CASZ1: variants seen among roughly 807,000 people sequenced by gnomAD.
CASZ1 encodes zinc finger protein castor homolog 1.
CASZ1 carries 28 observed loss-of-function variants against 135.2 expected under a neutral mutation model. The ratio of observed to expected loss-of-function variants is 0.21; its 90% CI spans 0.15 to 0.28. The LOEUF (loss-of-function observed/expected upper bound fraction) is 0.28. CASZ1 is among the 10% of genes least tolerant of loss of function. CASZ1 has a pLI of 1.00. For synonymous variants in CASZ1, 1,068 were observed against 1,073.4 expected (o/e 0.99, Z 0.10); for missense variants, 2,161 against 2,453.3 (o/e 0.88, Z 2.52).
chr1:10,789,414 T>C (rs1640915112), intron 1 of CASZ1, among the ~76,000 whole-genome samples: 1 of 143,032 alleles, frequency 7.0e-6, no homozygotes, highest in Admixed American at 7.4e-5. Context: ...TCAAGACTCC[T>C]CTCACCTTGA....
chr1:10,758,622 G>A (rs1195485318), intron 2 of CASZ1, among the ~76,000 whole-genome samples: 2 of 152,200 alleles, frequency 1.3e-5, no homozygotes, highest in African/African-American at 2.4e-5. Context: ...TTGAGCCACC[G>A]CACCTGGCCC....
At chr1:10,661,904 C>T (rs1643044565) in intron 5 of CASZ1, among the ~76,000 whole-genome samples, 1 of 151,876 alleles carries the variant, frequency 6.6e-6, no homozygotes, top group South Asian at 2.1e-4. Context: ...CACACATATG[C>T]ATTCTCATAC....
chr1:10,718,556 C>T (rs1570520031), intron 2 of CASZ1, among the ~76,000 whole-genome samples: 1 of 152,200 alleles, frequency 6.6e-6, no homozygotes, highest in South Asian at 2.1e-4. Context: ...GCCACTAGGC[C>T]CCCACTTCTG....
chr1:10,670,416 C>G (rs1643363601), intron 4 of CASZ1, among the ~76,000 whole-genome samples: 1 of 152,254 alleles, frequency 6.6e-6, no homozygotes, highest in Admixed American at 6.5e-5. Flanking sequence ...CCCGCCTAGG[C>G]ATCCTGGAGT....
intron 4 of CASZ1, among the ~76,000 whole-genome samples, chr1:10,687,203 A>C (rs1490722923): frequency 5.3e-5 from 8 of 152,046 alleles, no homozygotes; most frequent in Non-Finnish European, 1.0e-4. Context: ...CCCTTAGATC[A>C]CTGAAAGAGC....
rs779746313 is a variant in CASZ1 at position 10,639,044 on chromosome 1, C to T, written c.5178G>A (p.Ala1726=). 6 of 1,058,680 alleles carry T rather than the reference C, an allele frequency of 5.7e-6. No homozygotes were observed. Among genetic ancestry groups the T allele is most frequent in the Middle Eastern group, 4.2e-4 (1 of 2,380 alleles). 65.6% of individuals were successfully genotyped at this position (1,058,680 alleles called of 1,614,324 possible). The part of the protein sequence containing the change: ...RTDSEESLPE[A]AAEAAGAGAR... ...CGCCCGCGCCCGCCGCCTCCGCCGC[C>T]GCCTCGGGCAGCGACTCCTCCGAGT... The change falls in exon 21 of 21, where the codon GCG becomes GCA. Residue 1726 remains alanine (A), a synonymous_variant. Coordinates refer to ENST00000377022, the MANE Select transcript of CASZ1 (RefSeq NM_001079843.3). This position sits in a 1 kb window ranked among gnomAD's most constrained non-coding sequence, Gnocchi z 4.0.
chr1:10,658,295 A>C, intron 7 of CASZ1: 9 of 540,460 alleles, frequency 1.7e-5, no homozygotes, highest in Non-Finnish European at 2.3e-5. Context: ...TGCTGAGGGA[A>C]TGTGTGGCCT....
At chr1:10,653,010 C>T (rs924959676) in intron 11 of CASZ1, 19 of 299,418 alleles carry the variant, frequency 6.3e-5, no homozygotes, top group Middle Eastern at 7.1e-4. Context: ...ACGCTCGGCA[C>T]GCCAGGGGCC....
At position 10,647,357 on chromosome 1, in the gene CASZ1, G is replaced by C. The variant is rs2124673178; in HGVS notation, c.3497+444C>G. 1 of 1,051,032 alleles carries C rather than the reference G, an allele frequency of 9.5e-7. No homozygotes were observed. The highest frequency in any genetic ancestry group is 3.3e-5 in the South Asian group (1 of 30,740). The allele number at this position is 1,051,032 out of a possible 1,614,324, so 65.1% of individuals were successfully genotyped here. On this transcript the variant is annotated intron_variant, in intron 16 of 20. Coordinates refer to ENST00000377022, the MANE Select transcript of CASZ1 (RefSeq NM_001079843.3). This position sits in a 1 kb window ranked among gnomAD's most constrained non-coding sequence, Gnocchi z 4.9. ...AGAGCTCAGACCACTGTGCAGGCCA[G>C]TGACGGCCTGGAGGGGCCTGGCCCC...
Position 10,657,358 on chromosome 1 carries a change from C to A in CASZ1, c.1410-622G>T, listed in dbSNP as rs1570425787. Among the ~76,000 whole-genome samples, 1 of 152,282 alleles carries A rather than the reference C, an allele frequency of 6.6e-6. No homozygotes were observed. Among genetic ancestry groups the A allele is most frequent in the East Asian group, 1.9e-4 (1 of 5,168 alleles). ...GTGGCTCCCACAGCCTCGGTGACGGCCGGCCGTGGGGAGGCCACTCTGGAG... is the reference window on the plus strand; with the variant it reads ...GTGGCTCCCACAGCCTCGGTGACGGACGGCCGTGGGGAGGCCACTCTGGAG... On this transcript the variant is annotated intron_variant, in intron 7 of 20. Transcript: ENST00000377022. The surrounding 1 kb of genome is among the most constrained non-coding windows in gnomAD (Gnocchi z 5.7).
intron 2 of CASZ1, among the ~76,000 whole-genome samples, chr1:10,758,419 C>G (rs1640301206): frequency 6.6e-6 from 1 of 151,726 alleles, no homozygotes; most frequent in Non-Finnish European, 1.5e-5. Flanking sequence ...GCAACCTCCG[C>G]CTCCCGGGTT....
At position 10,660,368 on chromosome 1, in the gene CASZ1, G is replaced by A; in HGVS notation, c.674C>T (p.Thr225Ile). The stretch of plus-strand genomic sequence containing the variant: ...CCGCTTGCTGAGGGTATCCTCGGAG[G>A]TGGGCAGCATGGAGGAGGTGGCTGC... Reference protein sequence around the residue: ...PEAATSSMLPTSEDTLSKRAR... With the variant: ...PEAATSSMLPISEDTLSKRAR... Residue 225 changes from threonine to isoleucine, a missense_variant, in exon 6 of 21, where the codon ACC becomes ATC. Around this residue, in one of 7 missense-constraint regions of CASZ1, gnomAD observed 590 missense variants for 609.8 expected, o/e 0.97. Coordinates refer to ENST00000377022, the MANE Select transcript of CASZ1 (RefSeq NM_001079843.3). 1.9e-6 allele frequency: 3 copies of A among 1,614,164 alleles called. No homozygotes were observed. The highest frequency in any genetic ancestry group is 2.5e-6 in the Non-Finnish European group (3 of 1,180,022).
rs1156368263 is a variant in CASZ1, at chr1:10,726,588, G to A, written c.-76-21044C>T. 6.6e-6 allele frequency among the ~76,000 whole-genome samples: 1 copy of A among 152,236 alleles called. No homozygotes were observed. Among genetic ancestry groups the A allele is most frequent in the Non-Finnish European group, 1.5e-5 (1 of 68,030 alleles). ...AGAGGAAACACCGGGCACGGGGAAT[G>A]GAGCCCTCGCCAGCGTCTTTACTAG... On this transcript the variant is annotated intron_variant, in intron 2 of 20. Coordinates refer to ENST00000377022, the MANE Select transcript of CASZ1 (RefSeq NM_001079843.3). The surrounding 1 kb of genome is among the most constrained non-coding windows in gnomAD (Gnocchi z 5.7).
In CASZ1 at chr1:10,646,903, C is replaced by T. The variant is rs907977646; in HGVS notation, c.3498-577G>A. ...GCCCACCCACTCAGACCTCACTTGC[C>T]GGCGGAGTGGGAGAGCTGCTGGGGC... On this transcript the variant is annotated intron_variant, in intron 16 of 20. Transcript: ENST00000377022. The surrounding 1 kb of genome is among the most constrained non-coding windows in gnomAD (Gnocchi z 6.4). 3.3e-5 allele frequency among the ~76,000 whole-genome samples: 5 copies of T among 152,164 alleles called. No individual in the cohort carries two copies. The highest frequency in any genetic ancestry group is 6.5e-5 in the Admixed American group (1 of 15,290).
In CASZ1 at chr1:10,700,116, CAG is replaced by C. The variant is rs1553133705; in HGVS notation, c.-24+5374_-24+5375del. 4.0e-5 allele frequency among the ~76,000 whole-genome samples: 6 copies of C among 151,022 alleles called. No homozygotes were observed. The highest frequency in any genetic ancestry group is 5.9e-5 in the Non-Finnish European group (4 of 67,826). ...ACACACACACACACACACACACACA[CAG>C]AGTATGAAGCAGGGACCTGGGCTAG... On this transcript the variant is annotated intron_variant, in intron 3 of 20. Transcript: ENST00000377022. The surrounding 1 kb of genome is among the most constrained non-coding windows in gnomAD (Gnocchi z 4.2).
At position 10,639,641 on chromosome 1, in the gene CASZ1, G is replaced by A; in HGVS notation, c.4581C>T (p.Ser1527=). The A allele has an allele frequency of 2.5e-6, 4 of 1,606,984 alleles. No homozygotes were observed. The highest frequency in any genetic ancestry group is 3.4e-6 in the Non-Finnish European group (4 of 1,178,414). The change falls in exon 21 of 21, where the codon AGC becomes AGT. Residue 1527 remains serine, a synonymous_variant. Coordinates refer to ENST00000377022, the MANE Select transcript of CASZ1 (RefSeq NM_001079843.3). This position sits in a 1 kb window ranked among gnomAD's most constrained non-coding sequence, Gnocchi z 4.0. ...GCTTGCGATGCGCCGTGACCTTGGT[G>A]CTGTCGGTGCAGCGGAAGCGGCAGC... is the stretch of plus-strand genomic sequence containing the variant. ...CLRCRFRCTD[S]TKVTAHRKHH... is the part of the protein sequence containing the mutation.
chr1:10,743,436 C>CCTGGGAGAGCCCTGGGAGAGCA (rs1445919150), intron 2 of CASZ1, among the ~76,000 whole-genome samples: 2 of 149,064 alleles, frequency 1.3e-5, no homozygotes, highest in Admixed American at 1.3e-4. Context: ...CTGGGAGAGC[C>CCTGGGAGAGCCCTGGGAGAGCA]CTGGGCCTCC....
At chr1:10,793,840 C>A (rs1274925925) in intron 1 of CASZ1, among the ~76,000 whole-genome samples, 6 of 152,086 alleles carry the variant, frequency 3.9e-5, no homozygotes, top group Non-Finnish European at 8.8e-5. Context: ...GGAGCTCCCG[C>A]GAGGGGCACA....
intron 2 of CASZ1, among the ~76,000 whole-genome samples, chr1:10,743,235 A>G (rs1285470072): frequency 6.6e-6 from 1 of 151,910 alleles, no homozygotes; most frequent in Non-Finnish European, 1.5e-5. Flanking sequence ...TTCTGGGCGA[A>G]ATCAGGGTCC....
Sources: gnomAD v4.1 joint callset for allele counts (sites outside exome capture counted in the v4.1 genomes callset) on GRCh38, gnomAD v4.1.1 for gene constraint, gnomAD v4.1.1 regional missense constraint, Gnocchi (gnomAD v3.1) non-coding constraint, MANE v1.5 for transcripts, NCBI Gene and HGNC (gene_info 2026-07-23, HGNC 2026-07-21) for gene names.